The following STAU1 variants were observed in gnomAD, a reference collection of about 807,000 sequenced individuals.
The protein encoded by STAU1 is double-stranded RNA-binding protein Staufen homolog 1.
In STAU1, 13 loss-of-function variants were observed where a neutral mutation model predicts 62.9. That is an observed-to-expected ratio of 0.21 (90% CI 0.13 to 0.33). STAU1 has a LOEUF of 0.33. Ranked by LOEUF, STAU1 falls within the 10% of genes least tolerant of loss-of-function variation. STAU1 has a pLI of 1.00. For missense variants in STAU1, 571 were observed against 712.1 expected (o/e 0.80, Z 2.25); for synonymous variants, 269 against 265.1 (o/e 1.01, Z -0.14).
intron 1 of STAU1, among the ~76,000 whole-genome samples, chr20:49,178,940 G>T (rs1256678552): frequency 6.7e-6 from 1 of 150,286 alleles, no homozygotes; most frequent in Non-Finnish European, 1.5e-5. Context: ...AACTAGCTGG[G>T]CATGGTGGCG....
At chr20:49,121,190 T>A (rs1426743415) in intron 8 of STAU1, among the ~76,000 whole-genome samples, 1 of 151,956 alleles carries the variant, frequency 6.6e-6, no homozygotes, top group East Asian at 1.9e-4. Context: ...GTGGATCACC[T>A]GAGGTCAGGA....
rs112744558 is a variant in STAU1, at chr20:49,159,230, A to G, written c.206-5159T>C. The G allele has an allele frequency of 1.0e-3, 903 of 865,626 alleles. 9 individuals are homozygous for G. In the African/African-American group the frequency reaches 0.015, roughly 14 times the overall value. 53.6% of individuals were successfully genotyped at this position (865,626 alleles called of 1,614,324 possible). On this transcript the variant is annotated intron_variant, in intron 3 of 13. Transcript: ENST00000371856. ...CTTTCCCCATCCGGTGCTACCTGCC[A>G]CTCTGCTGCATTCTGTTGGTGTAGC... is the stretch of plus-strand genomic sequence containing the variant.
rs2093639251 is a variant in STAU1, at chr20:49,174,837, T to C, written c.-159-568A>G. On this transcript the variant is annotated intron_variant, in intron 1 of 13. Coordinates refer to ENST00000371856, the MANE Select transcript of STAU1 (RefSeq NM_017453.4). ...CTGTAGTCCCAGCTACTTGGGAGGC[T>C]GAGGCAGAATGGTGTGAACCCGGGA... Among the ~76,000 whole-genome samples the C allele has an allele frequency of 2.0e-5, 3 of 149,866 alleles. No individual in the cohort carries two copies. In the Admixed American group the frequency reaches 2.0e-4, roughly 10 times the overall value.
chr20:49,118,415 A>G lies in STAU1; in HGVS notation c.1114-7T>C. 1 of 1,598,938 alleles carries G rather than the reference A, an allele frequency of 6.3e-7. No homozygotes were observed. The highest frequency in any genetic ancestry group is 1.1e-5 in the South Asian group (1 of 88,280). ...CTGGTTTCTTTATGGGTGTCTTAAA[A>G]AAGAAGAAGAAAAAAAAAAGGCCAT... On this transcript the variant is annotated splice_region_variant and splice_polypyrimidine_tract_variant and intron_variant, in intron 9 of 13. Transcript: ENST00000371856.
At chr20:49,216,153 G>A in the STAU1 span, among the ~76,000 whole-genome samples, 2 of 151,860 alleles carry the variant, frequency 1.3e-5, no homozygotes, top group African/African-American at 4.8e-5. Flanking sequence ...TATGCAAGAG[G>A]CTGAGGCTGG....
At chr20:49,193,103 G>T (rs1305882663), upstream of STAU1, among the ~76,000 whole-genome samples, 1 of 152,180 alleles carries the variant, frequency 6.6e-6, no homozygotes, top group Non-Finnish European at 1.5e-5. Flanking sequence ...AAGGCTGGGT[G>T]CAGTGACTCA....
At chr20:49,174,915 C>T (rs1241384394) in intron 1 of STAU1, among the ~76,000 whole-genome samples, 1 of 130,842 alleles carries the variant, frequency 7.6e-6, no homozygotes, top group African/African-American at 2.9e-5. Flanking sequence ...GCCTGGGTGA[C>T]AGAGTGAGAC....
intron 3 of STAU1, among the ~76,000 whole-genome samples, chr20:49,164,548 C>T (rs1196721651): frequency 6.6e-6 from 1 of 152,010 alleles, no homozygotes; most frequent in Non-Finnish European, 1.5e-5. Flanking sequence ...ACTCGGCCTC[C>T]CAAAGTACTG....
intron 12 of STAU1, among the ~76,000 whole-genome samples, 180 bp downstream of exon 12, chr20:49,116,946 C>T (rs1393320585): frequency 6.6e-6 from 1 of 152,100 alleles, no homozygotes; most frequent in African/African-American, 2.4e-5. Flanking sequence ...AGTGAGAAAT[C>T]GATCCAATCA....
Position 49,142,806 on chromosome 20 carries a change from A to T in STAU1, c.511-6875T>A, listed in dbSNP as rs189099612. 4.1e-3 allele frequency among the ~76,000 whole-genome samples: 625 copies of T among 152,246 alleles called. 1 individual carries two copies. Among genetic ancestry groups the T allele is most frequent in the Non-Finnish European group, 7.2e-3 (487 of 68,000 alleles). On this transcript the variant is annotated intron_variant, in intron 5 of 13. Transcript: ENST00000371856. ...ATGAAATTATTTTGCTCTTTTACAC[A>T]ATTTTTTTCTTTTGAGACAGGGCCT...
chr20:49,211,901 C>A, the STAU1 span, among the ~76,000 whole-genome samples: 1 of 152,180 alleles, frequency 6.6e-6, no homozygotes, highest in East Asian at 1.9e-4. Flanking sequence ...GAAGAACTAC[C>A]AAACTGTTTT....
intron 6 of STAU1, among the ~76,000 whole-genome samples, chr20:49,128,190 G>GTGGC (rs1232917931): frequency 2.0e-5 from 3 of 151,924 alleles, no homozygotes; most frequent in Admixed American, 6.6e-5. Context: ...CCAGTGTGTG[G>GTGGC]TGGCGTGTGC....
At chr20:49,180,319 CTTT>C (rs10671718) in intron 1 of STAU1, among the ~76,000 whole-genome samples, 1,038 of 86,942 alleles carry the variant, frequency 0.012, 16 homozygotes, top group African/African-American at 0.048. Context: ...GACTACAGTT[CTTT>C]TTTTTTTTTT....
chr20:49,187,614 T>C (rs1162927553), intron 1 of STAU1, among the ~76,000 whole-genome samples: 6 of 152,004 alleles, frequency 3.9e-5, no homozygotes, highest in Admixed American at 3.9e-4. Context: ...CAGCCCCTTT[T>C]CCAACCAAGA....
intron 8 of STAU1, among the ~76,000 whole-genome samples, chr20:49,121,809 G>T (rs546667800): frequency 1.3e-5 from 2 of 152,270 alleles, no homozygotes; most frequent in African/African-American, 4.8e-5. Flanking sequence ...AAGAAGAGCT[G>T]GTTGTTAAAC....
chr20:49,116,992 T>C (rs1263687210), intron 12 of STAU1, 134 bp downstream of exon 12: 1 of 1,169,672 alleles, frequency 8.5e-7, no homozygotes, highest in African/African-American at 1.6e-5. Context: ...ATGAACACTA[T>C]CAAACGATTC....
intron 1 of STAU1, among the ~76,000 whole-genome samples, chr20:49,177,072 C>T (rs553665044): frequency 6.6e-6 from 1 of 151,986 alleles, no homozygotes; most frequent in South Asian, 2.1e-4. Flanking sequence ...CCACCATGCC[C>T]GGCTAATTTT....
chr20:49,208,620 G>A, the STAU1 span, among the ~76,000 whole-genome samples: 1 of 150,626 alleles, frequency 6.6e-6, no homozygotes, highest in Non-Finnish European at 1.5e-5. Context: ...GTGAGATCCT[G>A]TCTTTTTTTT....
At chr20:49,218,074 CATGTTGGTCAGG>C in the STAU1 span, among the ~76,000 whole-genome samples, 2 of 150,706 alleles carry the variant, frequency 1.3e-5, no homozygotes, top group African/African-American at 4.9e-5. Context: ...GGAGTTTCAC[CATGTTGGTCAGG>C]CTGGTTTTAA....
Sources: allele counts gnomAD v4.1 joint callset (sites outside exome capture counted in the v4.1 genomes callset), GRCh38; gene constraint gnomAD v4.1.1; transcripts MANE v1.5; gene names NCBI Gene and HGNC (gene_info 2026-07-23, HGNC 2026-07-21).